COL28A1: variants seen among roughly 807,000 people sequenced by gnomAD.
COL28A1 encodes collagen type XXVIII alpha 1 chain, also known as collagen alpha-1(XXVIII) chain.
COL28A1 carries 161 observed loss-of-function variants against 150.2 expected under a neutral mutation model. The observed-to-expected ratio is 1.07, with a 90% CI of 0.94 to 1.22. The LOEUF is 1.22. Ranked by LOEUF, COL28A1 falls within the 50% of genes most tolerant of loss-of-function variation. The pLI is 0.00. For missense variants in COL28A1, 1,617 were observed against 1,388.3 expected, an observed-to-expected ratio of 1.16 and a Z score of -2.62; for synonymous variants, 552 against 469.7, an observed-to-expected ratio of 1.18 and a Z score of -2.26.
chr7:7,373,221 T>C lies in COL28A1; in HGVS notation c.2685A>G (p.Val895=). The change falls in exon 32 of 35, where the codon GTA becomes GTG. Residue 895 remains valine, a synonymous_variant. Coordinates refer to ENST00000399429, the MANE Select transcript of COL28A1 (RefSeq NM_001037763.3). This position sits in a 1 kb window ranked among gnomAD's most constrained non-coding sequence, Gnocchi z 4.1. ...CAGTGATGACCAAGGCCACTTTTTT[T>C]ACACCTGGCCTTGCATCTTCAAACA... ...NDMFEDARPG[V]KKVALVITDG... 1 of 1,614,226 alleles carries C rather than the reference T, an allele frequency of 6.2e-7. No homozygotes were observed. The highest frequency in any genetic ancestry group is 1.1e-5 in the South Asian group (1 of 91,088).
chr7:7,537,333 C>T (rs991073110), upstream of COL28A1, among the ~76,000 whole-genome samples: 1 of 152,166 alleles, frequency 6.6e-6, no homozygotes, highest in South Asian at 2.1e-4. Flanking sequence ...GAGGAAACTC[C>T]AGGACCTGGA....
intron 30 of COL28A1, 41 bp from the exon 31 acceptor site, chr7:7,375,538 TATA>T (rs1781496473): frequency 2.3e-6 from 3 of 1,314,492 alleles, no homozygotes; most frequent in South Asian, 1.3e-5. Context: ...TATGTATGAC[TATA>T]ATATTTTTCC....
intron 27 of COL28A1, among the ~76,000 whole-genome samples, chr7:7,412,929 G>T (rs1783867730): frequency 6.6e-6 from 1 of 152,076 alleles, no homozygotes; most frequent in African/African-American, 2.4e-5. Flanking sequence ...CCAGATTCAG[G>T]CCAAGATCTG....
chr7:7,455,814 C>G (rs774190495), intron 16 of COL28A1, among the ~76,000 whole-genome samples: 3 of 152,188 alleles, frequency 2.0e-5, no homozygotes, highest in Non-Finnish European at 4.4e-5. Flanking sequence ...TGTTAAAAGT[C>G]ACAGCATCAA....
rs1332138217 is a variant in COL28A1, at chr7:7,370,752, T to C, written c.3039A>G (p.Pro1013=). The C allele has an allele frequency of 6.2e-7, 1 of 1,613,080 alleles. No homozygotes were observed. Among genetic ancestry groups the C allele is most frequent in the Non-Finnish European group, 8.5e-7 (1 of 1,179,688 alleles). The change falls in exon 33 of 35, where the codon CCA becomes CCG. Residue 1013 remains proline, a synonymous_variant. Coordinates refer to ENST00000399429, the MANE Select transcript of COL28A1 (RefSeq NM_001037763.3). Reference sequence around the variant, plus strand: ...ACTCAGAAATTTCTTTTTGAGGCTCTGGAGTAGATTCACTGAGTTCTTCCC... The same window carrying C: ...ACTCAGAAATTTCTTTTTGAGGCTCCGGAGTAGATTCACTGAGTTCTTCCC... ...MSGEELSEST[P]EPQKEISESL...
At position 7,373,344 on chromosome 7, in the gene COL28A1, C is replaced by T; in HGVS notation, c.2562G>A (p.Gln854=). The T allele has an allele frequency of 6.2e-7, 1 of 1,614,162 alleles. No individual in the cohort carries two copies. Among genetic ancestry groups the T allele is most frequent in the Non-Finnish European group, 8.5e-7 (1 of 1,180,022 alleles). The change falls in exon 32 of 35, where the codon CAG becomes CAA. Residue 854 remains glutamine (Q), a synonymous_variant. Transcript: ENST00000399429. The surrounding 1 kb of genome is among the most constrained non-coding windows in gnomAD (Gnocchi z 4.1). ...ACTTGAAGTCATCCTTGCTGGAGAACTGCTTCAAATTAGCCACCTTCTCCA... is the reference window on the plus strand; with the variant it reads ...ACTTGAAGTCATCCTTGCTGGAGAATTGCTTCAAATTAGCCACCTTCTCCA... ...HKVEKVANLK[Q]FSSKDDFKLA... is the part of the protein sequence containing the mutation.
At chr7:7,530,394 T>C (rs1168063939) in intron 3 of COL28A1, among the ~76,000 whole-genome samples, 1 of 152,186 alleles carries the variant, frequency 6.6e-6, no homozygotes, top group East Asian at 1.9e-4. Flanking sequence ...GATCGAGGGA[T>C]AAGACAAAAG....
intron 23 of COL28A1, 114 bp downstream of exon 23, chr7:7,436,281 C>T (rs998184271): frequency 8.2e-6 from 6 of 731,764 alleles, no homozygotes; most frequent in Admixed American, 2.2e-5. Context: ...TATATTCTTA[C>T]ATTTTAGTTA....
intron 15 of COL28A1, among the ~76,000 whole-genome samples, chr7:7,462,033 C>T (rs1787673027): frequency 6.6e-6 from 1 of 152,186 alleles, no homozygotes; most frequent in Non-Finnish European, 1.5e-5. Flanking sequence ...GAGGGACCCA[C>T]AGACGGTTCA....
chr7:7,420,766 T>TACCAC (rs1353988607), intron 25 of COL28A1, among the ~76,000 whole-genome samples: 6 of 152,258 alleles, frequency 3.9e-5, no homozygotes, highest in African/African-American at 1.4e-4. Context: ...TCATGATTTT[T>TACCAC]ACCACAGAAT....
chr7:7,398,025 T>C (rs982051884), intron 27 of COL28A1, among the ~76,000 whole-genome samples: 1 of 152,234 alleles, frequency 6.6e-6, no homozygotes, highest in Non-Finnish European at 1.5e-5. Context: ...ACCAATCTTT[T>C]AGTAAAAGTG....
intron 20 of COL28A1, 24 bp from the exon 21 acceptor site, chr7:7,440,885 T>C (rs755677552): frequency 3.4e-5 from 41 of 1,214,496 alleles, no homozygotes; most frequent in Non-Finnish European, 4.5e-5. Flanking sequence ...TATGAAAATA[T>C]AGATTTTCGT....
chr7:7,423,767 T>C (rs1186281841), intron 25 of COL28A1, among the ~76,000 whole-genome samples: 1 of 152,132 alleles, frequency 6.6e-6, no homozygotes, highest in Non-Finnish European at 1.5e-5. Context: ...AATAGGTCCA[T>C]AGTTTACCTC....
At chr7:7,500,532 T>C (rs933498837) in intron 11 of COL28A1, among the ~76,000 whole-genome samples, 6 of 152,214 alleles carry the variant, frequency 3.9e-5, no homozygotes, top group Non-Finnish European at 7.3e-5. Context: ...TGATTAACGG[T>C]ATAATACATG....
At chr7:7,539,214 A>G (rs538851505), upstream of COL28A1, among the ~76,000 whole-genome samples, 11 of 152,320 alleles carry the variant, frequency 7.2e-5, no homozygotes, top group South Asian at 2.1e-4. Context: ...TTGGCTTACA[A>G]TTCTGCAGTC....
chr7:7,374,038 A>AAAAAAAATATATATATATATATAT, intron 31 of COL28A1, among the ~76,000 whole-genome samples: 1 of 113,654 alleles, frequency 8.8e-6, no homozygotes, highest in African/African-American at 3.8e-5. Flanking sequence ...AAAAAAAAAA[A>AAAAAAAATATATATATATATATAT]ATATATATAT....
chr7:7,446,100 C>T (rs574819719), intron 18 of COL28A1, among the ~76,000 whole-genome samples: 91 of 152,144 alleles, frequency 6.0e-4, no homozygotes, highest in South Asian at 2.3e-3. Context: ...TCAGGTGATC[C>T]GCCTGCCTCA....
the COL28A1 span, among the ~76,000 whole-genome samples, chr7:7,344,183 G>A: frequency 1.3e-5 from 2 of 152,046 alleles, no homozygotes; most frequent in Admixed American, 6.6e-5. Flanking sequence ...TTGAATGTAT[G>A]ATTGTCCTTT....
downstream of COL28A1, chr7:7,357,213 C>G (rs1374739118): frequency 1.3e-5 from 2 of 152,094 alleles, no homozygotes; most frequent in Non-Finnish European, 2.9e-5. Flanking sequence ...CCAGGCCTGG[C>G]TAATTTTTGT....
Sources: gnomAD v4.1 joint callset for allele counts (sites outside exome capture counted in the v4.1 genomes callset) on GRCh38, gnomAD v4.1.1 for gene constraint, Gnocchi (gnomAD v3.1) non-coding constraint, MANE v1.5 for transcripts, NCBI Gene and HGNC (gene_info 2026-07-23, HGNC 2026-07-21) for gene names.